Variants in PCDH15 observed in about 807,000 individuals in gnomAD.
The protein encoded by PCDH15 is protocadherin related 15.
In PCDH15, 129 loss-of-function variants were observed where a neutral mutation model predicts 178.5. That is an observed-to-expected ratio of 0.72 (90% CI 0.63 to 0.84). The LOEUF (loss-of-function observed/expected upper bound fraction) is 0.84, where lower values mean the gene tolerates loss of function less well. Among genes scored for constraint, PCDH15 ranks in the 40% least tolerant of loss-of-function variants. The pLI is 0.00. For missense variants in PCDH15, 2,230 were observed against 2,099.9 expected, an observed-to-expected ratio of 1.06 and a Z score of -1.21; for synonymous variants, 800 against 732.0, an observed-to-expected ratio of 1.09 and a Z score of -1.50.
intron 22 of PCDH15, among the ~76,000 whole-genome samples, chr10:53,960,100 C>T (rs912265374): frequency 1.3e-5 from 2 of 152,114 alleles, no homozygotes; most frequent in African/African-American, 4.8e-5. Flanking sequence ...AAGTAACTAA[C>T]TCTATGATTA....
chr10:54,899,608 T>G (rs1954609192), intron 2 of PCDH15, among the ~76,000 whole-genome samples: 1 of 151,958 alleles, frequency 6.6e-6, no homozygotes, highest in Non-Finnish European at 1.5e-5. Context: ...GCAATTCTCC[T>G]GCCTCAGCCT....
At chr10:53,902,462 A>T (rs2082394934) in intron 26 of PCDH15, among the ~76,000 whole-genome samples, 1 of 152,140 alleles carries the variant, frequency 6.6e-6, no homozygotes. Context: ...ACAGCTATTT[A>T]CAAGTTAACC....
intron 1 of PCDH15, among the ~76,000 whole-genome samples, chr10:55,265,068 C>G (rs1842247651): frequency 6.6e-6 from 1 of 152,034 alleles, no homozygotes; most frequent in African/African-American, 2.4e-5. Flanking sequence ...TGGGTCCACC[C>G]TGACTTCCCT....
At chr10:54,234,629 G>A (rs2054438169) in intron 9 of PCDH15, among the ~76,000 whole-genome samples, 3 of 152,142 alleles carry the variant, frequency 2.0e-5, no homozygotes, top group African/African-American at 7.2e-5. Flanking sequence ...TCTAGTGTGA[G>A]TTAAAGTCAG....
At chr10:54,137,311 C>A (rs78737652) in intron 14 of PCDH15, among the ~76,000 whole-genome samples, 2,005 of 152,048 alleles carry the variant, frequency 0.013, 18 homozygotes, top group South Asian at 0.032. Flanking sequence ...TTTCTAAAAA[C>A]GAATCTCATA....
At position 53,828,062 on chromosome 10, in the gene PCDH15, C is replaced by G. The variant is rs980167255; in HGVS notation, c.4211+503G>C. Among the ~76,000 whole-genome samples, 5 of 151,656 alleles carry G rather than the reference C, an allele frequency of 3.3e-5. 1 individual carries two copies. The South Asian group carries it at 1.0e-3, about 32-fold the overall frequency. On this transcript the variant is annotated intron_variant, in intron 31 of 37. Coordinates refer to ENST00000644397, the MANE Select transcript of PCDH15 (RefSeq NM_001384140.1). ...TTAAGATTCCTAGGAATGCCTAGGC[C>G]GGGCACGGTGGCTCATGCCTGTGAT...
At chr10:53,906,998 T>C (rs967874536) in intron 25 of PCDH15, 1 of 152,140 alleles carries the variant, frequency 6.6e-6, no homozygotes, top group African/African-American at 2.4e-5. Flanking sequence ...ACTTAAAGAA[T>C]GTAAAATAAA....
intron 1 of PCDH15, among the ~76,000 whole-genome samples, chr10:54,716,536 T>A (rs1268692666): frequency 3.3e-5 from 5 of 151,950 alleles, no homozygotes; most frequent in Non-Finnish European, 1.5e-5. Flanking sequence ...TGAATGGGAG[T>A]TCACTCATGA....
At position 54,316,711 on chromosome 10, in the gene PCDH15, T is replaced by C. The variant is rs571368256; in HGVS notation, c.876+560A>G. Among the ~76,000 whole-genome samples, 168 of 152,112 alleles carry C rather than the reference T, an allele frequency of 1.1e-3. 5 individuals are homozygous for C. The highest frequency in any genetic ancestry group is 8.4e-4 in the Non-Finnish European group (57 of 68,004). On this transcript the variant is annotated intron_variant, in intron 8 of 37. Coordinates refer to ENST00000644397, the MANE Select transcript of PCDH15 (RefSeq NM_001384140.1). ...TGTGAAATCCAAACTGACAGAAATT[T>C]ATAGCTCCATTAGCATTTATCAAAA...
chr10:54,896,144 C>T (rs1954541709), intron 3 of PCDH15, among the ~76,000 whole-genome samples: 2 of 152,124 alleles, frequency 1.3e-5, no homozygotes, highest in Admixed American at 6.6e-5. Flanking sequence ...CTTTGCCTCC[C>T]AAAGTGCTGG....
intron 2 of PCDH15, among the ~76,000 whole-genome samples, chr10:54,548,125 A>G (rs1206198390): frequency 6.8e-6 from 1 of 147,446 alleles, no homozygotes; most frequent in East Asian, 1.9e-4. Flanking sequence ...AAAAAAACCA[A>G]AAAAAACCCA....
At chr10:55,546,892 A>G (rs1211866175) in intron 2 of PCDH15, among the ~76,000 whole-genome samples, 1 of 152,146 alleles carries the variant, frequency 6.6e-6, no homozygotes, top group Non-Finnish European at 1.5e-5. Flanking sequence ...GGGGAAAGGA[A>G]GCAGGAGGCA....
intron 2 of PCDH15, among the ~76,000 whole-genome samples, chr10:54,646,195 A>T (rs2094127281): frequency 6.6e-6 from 1 of 152,150 alleles, no homozygotes; most frequent in Non-Finnish European, 1.5e-5. Context: ...CAGGTGACAC[A>T]GACTATTACT....
chr10:54,980,134 T>C (rs576120486), intron 2 of PCDH15, among the ~76,000 whole-genome samples: 1 of 152,300 alleles, frequency 6.6e-6, no homozygotes, highest in East Asian at 1.9e-4. Flanking sequence ...CATCAAACCT[T>C]GGAGATGACC....
intron 2 of PCDH15, among the ~76,000 whole-genome samples, chr10:54,555,859 A>G (rs1329799638): frequency 2.6e-5 from 4 of 152,134 alleles, no homozygotes; most frequent in African/African-American, 9.7e-5. Flanking sequence ...ATCGACATCA[A>G]ACTCAAATTG....
chr10:54,360,490 A>G (rs1945838923), intron 5 of PCDH15, among the ~76,000 whole-genome samples: 2 of 151,904 alleles, frequency 1.3e-5, no homozygotes, highest in South Asian at 4.2e-4. Context: ...GGTAAAAATT[A>G]CCTCTATGGT....
At position 53,822,302 on chromosome 10, in the gene PCDH15, T is replaced by C. The variant is rs753289924; in HGVS notation, c.4368-2072A>G. 2 of 1,609,964 alleles carry C rather than the reference T, an allele frequency of 1.2e-6. No homozygotes were observed. The highest frequency in any genetic ancestry group is 3.4e-5 in the Admixed American group (2 of 59,300). On this transcript the variant is annotated intron_variant, in intron 32 of 37. Coordinates refer to ENST00000644397, the MANE Select transcript of PCDH15 (RefSeq NM_001384140.1). ...GAGTTGGAAATGGAGGTAGAAGAGG[T>C]GGTGTTGGGGGACCAGACGTTGAAA... is the stretch of plus-strand genomic sequence containing the variant.
intron 3 of PCDH15, among the ~76,000 whole-genome samples, chr10:54,380,829 G>A (rs1441096892): frequency 6.8e-6 from 1 of 147,808 alleles, no homozygotes; most frequent in Non-Finnish European, 1.5e-5. Flanking sequence ...ACCAGATAAA[G>A]TTTTAATAGT....
intron 22 of PCDH15, among the ~76,000 whole-genome samples, chr10:53,961,085 T>C (rs2088254228): frequency 6.6e-6 from 1 of 152,112 alleles, no homozygotes; most frequent in Admixed American, 6.6e-5. Context: ...AAAAATCAAA[T>C]AGATACAGAT....
Sources: gnomAD v4.1 joint callset for allele counts (sites outside exome capture counted in the v4.1 genomes callset) on GRCh38, gnomAD v4.1.1 for gene constraint, MANE v1.5 for transcripts, NCBI Gene and HGNC (gene_info 2026-07-23, HGNC 2026-07-21) for gene names.